Variants in PLEKHG1 observed in about 807,000 individuals in gnomAD.
PLEKHG1 encodes pleckstrin homology domain-containing family G member 1.
PLEKHG1 carries 44 observed loss-of-function variants against 100.8 expected under a neutral mutation model. That is an observed-to-expected ratio of 0.44 (90% CI 0.34 to 0.56). The LOEUF (loss-of-function observed/expected upper bound fraction) is 0.56. Among genes scored for constraint, PLEKHG1 ranks in the 20% least tolerant of loss-of-function variants. The pLI is 0.01. For synonymous variants in PLEKHG1, 640 were observed against 662.5 expected (o/e 0.97, Z 0.52); for missense variants, 1,545 against 1,720.9 (o/e 0.90, Z 1.81).
At chr6:150,756,860 A>G (rs1783867217) in intron 2 of PLEKHG1, among the ~76,000 whole-genome samples, 1 of 152,188 alleles carries the variant, frequency 6.6e-6, no homozygotes, top group South Asian at 2.1e-4. Context: ...TTGCTGTGAG[A>G]TAATCTATAC....
At chr6:150,736,562 A>T (rs879642439) in intron 2 of PLEKHG1, among the ~76,000 whole-genome samples, 5 of 152,210 alleles carry the variant, frequency 3.3e-5, no homozygotes, top group Non-Finnish European at 7.3e-5. Flanking sequence ...TGAGGTCGGG[A>T]GTTCGAGACC....
At chr6:150,652,172 A>G (rs985147203) in intron 3 of PLEKHG1, 1 of 152,232 alleles carries the variant, frequency 6.6e-6, no homozygotes, top group South Asian at 2.1e-4. Context: ...TTGAAAAACC[A>G]CAATGACACT....
intron 14 of PLEKHG1, among the ~76,000 whole-genome samples, chr6:150,825,378 A>G (rs1438347000): frequency 6.6e-6 from 1 of 152,056 alleles, no homozygotes; most frequent in Admixed American, 6.5e-5. Flanking sequence ...GGAATTCAAG[A>G]TCAGCCTTGG....
intron 1 of PLEKHG1, among the ~76,000 whole-genome samples, chr6:150,619,421 T>C (rs911033290): frequency 4.6e-5 from 7 of 152,250 alleles, no homozygotes; most frequent in African/African-American, 1.7e-4. Flanking sequence ...GTCTTTCTGA[T>C]GTCCATCATC....
At chr6:150,787,855 G>A (rs1340863333) in intron 4 of PLEKHG1, among the ~76,000 whole-genome samples, 2 of 152,164 alleles carry the variant, frequency 1.3e-5, no homozygotes, top group East Asian at 1.9e-4. Context: ...ACGTTTACCT[G>A]TGTGTAAGCT....
intron 1 of PLEKHG1, among the ~76,000 whole-genome samples, chr6:150,632,618 G>A (rs1474600578): frequency 6.6e-6 from 1 of 152,242 alleles, no homozygotes; most frequent in Non-Finnish European, 1.5e-5. Context: ...ATGCAGGCTG[G>A]TAACAAATGT....
At position 150,803,187 on chromosome 6, in the gene PLEKHG1, T is replaced by G. The variant is rs573471908; in HGVS notation, c.781-1423T>G. On this transcript the variant is annotated intron_variant, in intron 6 of 15. Coordinates refer to ENST00000358517, the Ensembl canonical transcript of PLEKHG1. ...CTAGCTAGATGAAAAACTTGAGTAC[T>G]CAGTAAAAGTAAACAAAGATTTACA... 5.3e-5 allele frequency among the ~76,000 whole-genome samples: 8 copies of G among 152,318 alleles called. No homozygotes were observed. In the East Asian group the frequency reaches 1.5e-3, roughly 29 times the overall value.
At chr6:150,674,808 G>A (rs1779705297) in intron 3 of PLEKHG1, among the ~76,000 whole-genome samples, 1 of 151,946 alleles carries the variant, frequency 6.6e-6, no homozygotes, top group African/African-American at 2.4e-5. Flanking sequence ...TCAGCCTCCT[G>A]AGTAGCTGGG....
chr6:150,819,836 T>A, intron 12 of PLEKHG1, 62 bp downstream of exon 13: 1 of 916,434 alleles, frequency 1.1e-6, no homozygotes, highest in Non-Finnish European at 1.8e-6. Context: ...AAAGTCCCTT[T>A]GAGTCTGACA....
At chr6:150,761,397 T>G (rs972461876) in intron 2 of PLEKHG1, among the ~76,000 whole-genome samples, 1 of 152,090 alleles carries the variant, frequency 6.6e-6, no homozygotes, top group South Asian at 2.1e-4. Flanking sequence ...AACCTCCACC[T>G]CCCAGGTTCA....
At chr6:150,713,933 A>C (rs1049666299) in intron 3 of PLEKHG1, among the ~76,000 whole-genome samples, 7 of 152,202 alleles carry the variant, frequency 4.6e-5, no homozygotes, top group African/African-American at 1.7e-4. Context: ...AATGGCTGTT[A>C]CTCTGAAACT....
chr6:150,830,529 T>G, intron 14 of PLEKHG1, 53 bp from the exon 16 acceptor site: 2 of 1,306,304 alleles, frequency 1.5e-6, no homozygotes, highest in Non-Finnish European at 2.1e-6. Context: ...TCCTGAGTTA[T>G]GTGTCTTCTC....
intron 1 of PLEKHG1, chr6:150,721,212 T>C: frequency 6.1e-6 from 6 of 977,838 alleles, no homozygotes; most frequent in Non-Finnish European, 6.1e-6. Context: ...TAGGTGCTAA[T>C]GTGAGTGTCC....
At chr6:150,809,829 A>G in intron 10 of PLEKHG1, 95 bp downstream of exon 11, 1 of 830,160 alleles carries the variant, frequency 1.2e-6, no homozygotes, top group Non-Finnish European at 1.9e-6. Context: ...AGATCACATC[A>G]TTGAACTCCA....
chr6:150,807,006 C>T (rs1260832590), intron 7 of PLEKHG1, among the ~76,000 whole-genome samples: 1 of 152,098 alleles, frequency 6.6e-6, no homozygotes, highest in Non-Finnish European at 1.5e-5. Context: ...CGGCCACTCA[C>T]CTGTTACTCA....
intron 1 of PLEKHG1, among the ~76,000 whole-genome samples, chr6:150,604,145 GATAAGC>G (rs1776488687): frequency 6.6e-6 from 1 of 152,186 alleles, no homozygotes; most frequent in South Asian, 2.1e-4. Context: ...AAAAATTTAA[GATAAGC>G]ATGAGTCTAA....
At chr6:150,647,730 T>C (rs972397541) in intron 2 of PLEKHG1, among the ~76,000 whole-genome samples, 2 of 152,166 alleles carry the variant, frequency 1.3e-5, no homozygotes, top group African/African-American at 4.8e-5. Flanking sequence ...CTAATTGGAT[T>C]TTATGTCCTG....
chr6:150,622,956 T>C (rs936768679), intron 1 of PLEKHG1, among the ~76,000 whole-genome samples: 5 of 151,968 alleles, frequency 3.3e-5, no homozygotes, highest in African/African-American at 9.7e-5. Context: ...AGCCAGTCTA[T>C]TAGAGAAGAG....
intron 3 of PLEKHG1, among the ~76,000 whole-genome samples, chr6:150,780,274 C>A (rs1354866264): frequency 1.3e-5 from 2 of 151,640 alleles, no homozygotes; most frequent in Non-Finnish European, 2.9e-5. Context: ...TAGCACCACA[C>A]CTGGCTAATT....
Sources: gnomAD v4.1 joint callset for allele counts (sites outside exome capture counted in the v4.1 genomes callset) on GRCh38, gnomAD v4.1.1 for gene constraint, MANE v1.5 for transcripts, NCBI Gene and HGNC (gene_info 2026-07-23, HGNC 2026-07-21) for gene names.